Variants in CACFD1 observed in about 807,000 individuals in gnomAD.
CACFD1 encodes the protein calcium channel flower homolog.
Under a neutral mutation model 21.3 loss-of-function variants are expected in CACFD1, and 26 were observed. That is an observed-to-expected ratio of 1.22 (90% CI 0.89 to 1.69). The LOEUF (loss-of-function observed/expected upper bound fraction) is 1.69, where lower values mean the gene tolerates loss of function less well. Ranked by LOEUF, CACFD1 falls within the 40% of genes most tolerant of loss-of-function variation. The pLI is 0.00. For missense variants in CACFD1, 265 were observed against 236.2 expected, an observed-to-expected ratio of 1.12 and a Z score of -0.80; for synonymous variants, 121 against 106.6, an observed-to-expected ratio of 1.13 and a Z score of -0.83.
chr9:133,463,193 G>A (rs951887463), intron 1 of CACFD1, among the ~76,000 whole-genome samples: 1 of 152,190 alleles, frequency 6.6e-6, no homozygotes, highest in African/African-American at 2.4e-5. Flanking sequence ...GATGTAGCTG[G>A]GGTCAGAGGG....
intron 1 of CACFD1, 77 bp downstream of exon 1, chr9:133,460,264 G>T: frequency 1.5e-6 from 2 of 1,331,536 alleles, no homozygotes; most frequent in Non-Finnish European, 1.9e-6. Context: ...GCCCCGCCCC[G>T]GCGGCCCCAG....
At chr9:133,468,216 C>G (rs1843521174) in intron 4 of CACFD1, 188 bp downstream of exon 4, 1 of 1,239,386 alleles carries the variant, frequency 8.1e-7, no homozygotes, top group Non-Finnish European at 1.1e-6. Context: ...AACACTTCTG[C>G]GTGGCCCAGT....
chr9:133,463,343 G>A (rs1843293443), intron 1 of CACFD1, 140 bp from the exon 2 acceptor site: 2 of 1,502,854 alleles, frequency 1.3e-6, no homozygotes, highest in African/African-American at 1.4e-5. Flanking sequence ...ACGATAGAGG[G>A]CAGGCTTCTG....
intron 3 of CACFD1, among the ~76,000 whole-genome samples, chr9:133,466,042 A>G (rs1554799475): frequency 6.6e-6 from 1 of 152,242 alleles, no homozygotes. Context: ...GGCTGGTGGC[A>G]GCTGTATTCA....
At position 133,460,039 on chromosome 9, in the gene CACFD1, G is replaced by T. The variant is rs1346991618; in HGVS notation, c.-28G>T. The T allele has an allele frequency of 1.3e-6, 2 of 1,538,042 alleles. No homozygotes were observed. The highest frequency in any genetic ancestry group is 1.7e-6 in the Non-Finnish European group (2 of 1,143,526). On this transcript the variant is annotated 5_prime_UTR_variant, in exon 1 of 5. Transcript: ENST00000316948. Reference sequence around the variant, plus strand: ...GCCGGCTACCGAGCCCTTTGTGAGGGCTGTGAGCTGCGCCTGACGGTGGCA... The same window carrying T: ...GCCGGCTACCGAGCCCTTTGTGAGGTCTGTGAGCTGCGCCTGACGGTGGCA...
intron 1 of CACFD1, 25 bp downstream of exon 1, chr9:133,460,212 GC>G (rs1388966697): frequency 4.0e-6 from 6 of 1,504,188 alleles, no homozygotes; most frequent in Non-Finnish European, 3.5e-6. Flanking sequence ...GGGGAGAGGG[GC>G]CGGCCCCGCC....
intron 2 of CACFD1, among the ~76,000 whole-genome samples, chr9:133,464,370 C>G (rs1039733159): frequency 1.3e-5 from 2 of 152,156 alleles, no homozygotes; most frequent in Non-Finnish European, 2.9e-5. Flanking sequence ...GCGCCCAGCC[C>G]AGCTTCAGGG....
At chr9:133,468,378 C>T (rs1554800015) in intron 4 of CACFD1, 185 bp from the exon 5 acceptor site, 4 of 1,535,792 alleles carry the variant, frequency 2.6e-6, no homozygotes, top group East Asian at 2.4e-5. Flanking sequence ...GCCCAGCATC[C>T]CAGGGAGCCT....
In CACFD1 at chr9:133,460,463, C is replaced by CG. The variant is rs1285127389; in HGVS notation, c.121+283dup. Among the ~76,000 whole-genome samples, 7 of 53,456 alleles carry CG rather than the reference C, an allele frequency of 1.3e-4. No individual in the cohort carries two copies. The South Asian group carries it at 3.1e-3, about 24-fold the overall frequency. The allele number at this position is 53,456 out of a possible 152,430, so 35.1% of individuals were successfully genotyped here. On this transcript the variant is annotated intron_variant, in intron 1 of 4. Coordinates refer to ENST00000316948, the MANE Select transcript of CACFD1 (RefSeq NM_017586.5). ...CCCGGAGGGACCAGAAACCCCAGGG[C>CG]GGGGGGGCGGCGGGGGCGGGGGTGG... is the stretch of plus-strand genomic sequence containing the variant.
chr9:133,465,625 G>T lies in CACFD1; in HGVS notation c.320+178G>T. The T allele has an allele frequency of 1.6e-6, 1 of 644,890 alleles. No individual in the cohort carries two copies. Among genetic ancestry groups the T allele is most frequent in the Non-Finnish European group, 2.6e-6 (1 of 380,442 alleles). 39.9% of individuals were successfully genotyped at this position (644,890 alleles called of 1,614,324 possible). A position where few individuals can be genotyped will look rare whatever the true frequency, so the allele number is the denominator to read the frequency against. On this transcript the variant is annotated intron_variant, in intron 3 of 4. Coordinates refer to ENST00000316948, the MANE Select transcript of CACFD1 (RefSeq NM_017586.5). This position sits in a 1 kb window ranked among gnomAD's most constrained non-coding sequence, Gnocchi z 5.0. ...ATAGCTGCCAAAACGTGCCCCAGTGGTTCTGCGCCCAGGAACTCAGCTGTC... is the reference window on the plus strand; with the variant it reads ...ATAGCTGCCAAAACGTGCCCCAGTGTTTCTGCGCCCAGGAACTCAGCTGTC...
chr9:133,468,738 A>T lies in CACFD1; in HGVS notation c.*85A>T, dbSNP rs1017916608. Reference sequence around the variant, plus strand: ...GCCTGGACTGTCCACGCTGAGGCACAGCCTGGAGAGGGGCCTTTGCACGTG... The same window carrying T: ...GCCTGGACTGTCCACGCTGAGGCACTGCCTGGAGAGGGGCCTTTGCACGTG... On this transcript the variant is annotated 3_prime_UTR_variant, in exon 5 of 5. Coordinates refer to ENST00000316948, the MANE Select transcript of CACFD1 (RefSeq NM_017586.5). 8 of 1,463,164 alleles carry T rather than the reference A, an allele frequency of 5.5e-6. No individual in the cohort carries two copies. Among genetic ancestry groups the T allele is most frequent in the African/African-American group, 1.4e-5 (1 of 70,908 alleles). The allele number at this position is 1,463,164 out of a possible 1,614,324, so 90.6% of individuals were successfully genotyped here.
rs1843563952 is a variant in CACFD1, at chr9:133,468,997, G to A, written c.*344G>A. ...AGCTTCCCCTGGAGATGCTGGTCCT[G>A]GCTTGAGGGGAGGGGCAAGTGGGAC... On this transcript the variant is annotated 3_prime_UTR_variant, in exon 5 of 5. Coordinates refer to ENST00000316948, the MANE Select transcript of CACFD1 (RefSeq NM_017586.5). The A allele has an allele frequency of 5.7e-6, 2 of 351,710 alleles. No individual in the cohort carries two copies. Among genetic ancestry groups the A allele is most frequent in the South Asian group, 2.1e-4 (2 of 9,534 alleles). The allele number at this position is 351,710 out of a possible 1,614,324, so 21.8% of individuals were successfully genotyped here.
rs782708274 is a variant in CACFD1 at position 133,468,512 on chromosome 9, T to C, written c.429-51T>C. 1.5e-5 allele frequency: 23 copies of C among 1,550,498 alleles called. No homozygotes were observed. The Admixed American group carries it at 3.1e-4, about 21-fold the overall frequency. ...GGAACCGGGCAGTGGTCAGGAGGGC[T>C]GTGGGCATGGGGCTGGTGCTCCACG... is the stretch of plus-strand genomic sequence containing the variant. On this transcript the variant is annotated intron_variant, in intron 4 of 4. Coordinates refer to ENST00000316948, the MANE Select transcript of CACFD1 (RefSeq NM_017586.5).
chr9:133,466,641 G>A (rs1554799609), intron 3 of CACFD1, among the ~76,000 whole-genome samples: 2 of 152,058 alleles, frequency 1.3e-5, no homozygotes, highest in African/African-American at 4.8e-5. Context: ...TTTCAGGTGT[G>A]GAATTACTGG....
At chr9:133,462,865 A>G (rs1306255078) in intron 1 of CACFD1, among the ~76,000 whole-genome samples, 3 of 152,248 alleles carry the variant, frequency 2.0e-5, no homozygotes, top group Non-Finnish European at 4.4e-5. Flanking sequence ...GGACTTGCTC[A>G]TGTGCAAGAG....
intron 1 of CACFD1, chr9:133,462,270 C>G (rs1450932570): frequency 6.1e-6 from 8 of 1,304,022 alleles, no homozygotes; most frequent in Non-Finnish European, 8.1e-6. Flanking sequence ...CCTTTGGGCA[C>G]TCTGCTAGGA....
intron 3 of CACFD1, 104 bp from the exon 4 acceptor site, chr9:133,467,817 T>C: frequency 1.3e-6 from 1 of 786,534 alleles, no homozygotes; most frequent in Non-Finnish European, 2.2e-6. Flanking sequence ...ATCCTTCCTG[T>C]GCCCTGGGTG....
chr9:133,467,912 T>C lies in CACFD1; in HGVS notation c.321-9T>C, dbSNP rs1843502415. 1.2e-6 allele frequency: 2 copies of C among 1,607,240 alleles called. No homozygotes were observed. The highest frequency in any genetic ancestry group is 2.7e-5 in the African/African-American group (2 of 74,724). On this transcript the variant is annotated splice_polypyrimidine_tract_variant and intron_variant, in intron 3 of 4. Coordinates refer to ENST00000316948, the MANE Select transcript of CACFD1 (RefSeq NM_017586.5). ...CGGAGTGCCCCCTTGACCTCTGCTT[T>C]CCCCCCAGGATGGCGGTCGTTCCCA...
rs1554799348 is a variant in CACFD1, at chr9:133,465,414, T to C, written c.287T>C (p.Leu96Pro). ...ACAGTGGCGGAGAAGGTGGACCGGC[T>C]GCGCTCCTGGCAGAAGGCTGTCTTC... is the stretch of plus-strand genomic sequence containing the variant. ...ANTVAEKVDR[L>P]RSWQKAVFYC... Residue 96 changes from leucine (L) to proline (P), a missense_variant, in exon 3 of 5, where the codon CTG becomes CCG. Leu to Pro is a moderately conservative substitution (Grantham distance 98, BLOSUM62 -3). Coordinates refer to ENST00000316948, the MANE Select transcript of CACFD1 (RefSeq NM_017586.5). This position sits in a 1 kb window ranked among gnomAD's most constrained non-coding sequence, Gnocchi z 5.0. The C allele has an allele frequency of 6.2e-7, 1 of 1,613,624 alleles. No individual in the cohort carries two copies. The highest frequency in any genetic ancestry group is 2.2e-5 in the East Asian group (1 of 44,898).
Sources: allele counts gnomAD v4.1 joint callset (sites outside exome capture counted in the v4.1 genomes callset), GRCh38; gene constraint gnomAD v4.1.1; non-coding constraint Gnocchi (gnomAD v3.1); transcripts MANE v1.5; gene names NCBI Gene and HGNC (gene_info 2026-07-23, HGNC 2026-07-21).